Variants in MAPK14 observed in about 807,000 individuals in gnomAD.
MAPK14 encodes the protein CSAID-binding protein.
In MAPK14, 16 loss-of-function variants were observed where a neutral mutation model predicts 49.6. That is an observed-to-expected ratio of 0.32 (90% CI 0.22 to 0.49). The LOEUF is 0.49. Among genes scored for constraint, MAPK14 ranks in the 20% least tolerant of loss-of-function variants. The pLI, the probability that MAPK14 is intolerant of heterozygous loss-of-function variation, is 0.99. For missense variants in MAPK14, 200 were observed against 441.2 expected, an observed-to-expected ratio of 0.45 and a Z score of 4.90; for synonymous variants, 142 against 158.0, an observed-to-expected ratio of 0.90 and a Z score of 0.76.
intron 9 of MAPK14, chr6:36,100,332 C>A: frequency 8.4e-7 from 1 of 1,195,202 alleles, no homozygotes; most frequent in Non-Finnish European, 1.3e-6. Context: ...TTATTGCCAC[C>A]GTATAACCAA....
At chr6:36,059,136 C>T (rs1581765039) in intron 2 of MAPK14, among the ~76,000 whole-genome samples, 153 bp from the exon 3 acceptor site, 4 of 152,058 alleles carry the variant, frequency 2.6e-5, no homozygotes, top group Admixed American at 6.5e-5. Flanking sequence ...GTGATCCGCC[C>T]GCCTCGGCCT....
At chr6:36,033,715 C>G (rs1227311952) in intron 1 of MAPK14, among the ~76,000 whole-genome samples, 6 of 152,192 alleles carry the variant, frequency 3.9e-5, no homozygotes, top group Admixed American at 3.9e-4. Flanking sequence ...CTTTTGATTT[C>G]TTTCTAGCCC....
chr6:36,072,182 A>T (rs527933863), intron 3 of MAPK14, among the ~76,000 whole-genome samples: 47 of 152,198 alleles, frequency 3.1e-4, no homozygotes, highest in African/African-American at 1.0e-3. Context: ...AGGAAAATTT[A>T]AAAAAATTAG....
chr6:36,038,311 T>G (rs1184060026), intron 1 of MAPK14, among the ~76,000 whole-genome samples: 2 of 152,176 alleles, frequency 1.3e-5, no homozygotes, highest in African/African-American at 4.8e-5. Flanking sequence ...GTAAGGGCCC[T>G]GTGCTCCAGG....
chr6:36,090,442 C>G (rs548795471), intron 8 of MAPK14, among the ~76,000 whole-genome samples: 2 of 151,728 alleles, frequency 1.3e-5, no homozygotes, highest in South Asian at 4.2e-4. Flanking sequence ...CTCCAGACCT[C>G]AAGTGATCTG....
chr6:36,097,962 G>T (rs1186540458), intron 9 of MAPK14: 1 of 151,508 alleles, frequency 6.6e-6, no homozygotes, highest in Non-Finnish European at 1.5e-5. Context: ...GATAAAAGTA[G>T]TTTAAACATC....
chr6:36,108,337 T>C (rs1323655535), intron 11 of MAPK14, 43 bp from the exon 12 acceptor site: 1 of 1,446,302 alleles, frequency 6.9e-7, no homozygotes, highest in African/African-American at 1.4e-5. Context: ...GCAAAGAGAA[T>C]AGCCTAAACT....
chr6:36,062,667 T>A (rs574900729), intron 3 of MAPK14, among the ~76,000 whole-genome samples: 44 of 150,142 alleles, frequency 2.9e-4, no homozygotes, highest in African/African-American at 1.0e-3. Flanking sequence ...CTTTTCTTTT[T>A]TTTTTTTTGA....
chr6:36,092,760 C>T (rs191179758), intron 8 of MAPK14: 10 of 254,164 alleles, frequency 3.9e-5, no homozygotes, highest in East Asian at 1.1e-4. Context: ...CAGCATACGC[C>T]GGTGTCACGA....
chr6:36,043,946 G>A (rs12190281), intron 1 of MAPK14, among the ~76,000 whole-genome samples: 1 of 151,278 alleles, frequency 6.6e-6, no homozygotes, highest in Non-Finnish European at 1.5e-5. Flanking sequence ...AAGTAGCTGA[G>A]ATTATAGGCA....
intron 1 of MAPK14, among the ~76,000 whole-genome samples, chr6:36,042,759 C>G (rs894708262): frequency 2.0e-5 from 3 of 151,742 alleles, no homozygotes; most frequent in Admixed American, 6.6e-5. Context: ...CCTCAGACTT[C>G]CGAAGTGCTA....
In MAPK14 at chr6:36,096,202, T is replaced by C. The variant is rs2127468083; in HGVS notation, c.762+136T>C. On this transcript the variant is annotated intron_variant, in intron 9 of 11. Coordinates refer to ENST00000229794, the MANE Select transcript of MAPK14 (RefSeq NM_139012.3). The stretch of plus-strand genomic sequence containing the variant: ...GCTGACTTCCCGGATGAGTGAGGTA[T>C]AAGACAGTGTGAGTGTGTGTGTGCG... 4.7e-6 allele frequency: 3 copies of C among 639,046 alleles called. No homozygotes were observed. The East Asian group carries it at 8.1e-5, about 17-fold the overall frequency. 39.6% of individuals were successfully genotyped at this position (639,046 alleles called of 1,614,324 possible).
At chr6:36,066,419 A>G (rs1049164177) in intron 3 of MAPK14, among the ~76,000 whole-genome samples, 2 of 152,182 alleles carry the variant, frequency 1.3e-5, no homozygotes, top group African/African-American at 4.8e-5. Context: ...GAAATGAGGC[A>G]TTTCTTATTA....
intron 6 of MAPK14, 64 bp downstream of exon 6, chr6:36,074,160 G>A: frequency 7.7e-7 from 1 of 1,300,312 alleles, no homozygotes; most frequent in Non-Finnish European, 1.1e-6. Flanking sequence ...GACTAAGCAG[G>A]CAGACTTTCT....
chr6:36,086,264 C>A (rs1764981990), intron 8 of MAPK14, among the ~76,000 whole-genome samples: 1 of 152,118 alleles, frequency 6.6e-6, no homozygotes, highest in Non-Finnish European at 1.5e-5. Context: ...CAAGACCAAA[C>A]AAACCCTAAA....
At chr6:36,053,374 T>G (rs564283962) in intron 2 of MAPK14, among the ~76,000 whole-genome samples, 12 of 152,054 alleles carry the variant, frequency 7.9e-5, no homozygotes, top group African/African-American at 2.6e-4. Context: ...GATTCACGTA[T>G]TTTAATAAAT....
At chr6:36,073,056 A>G (rs758484272) in intron 4 of MAPK14, 72 bp downstream of exon 4, 7 of 919,784 alleles carry the variant, frequency 7.6e-6, no homozygotes, top group South Asian at 2.7e-5. Flanking sequence ...GGCTTAAACA[A>G]ACAAGTAAAC....
chr6:36,050,570 A>G (rs1404943770), intron 1 of MAPK14, among the ~76,000 whole-genome samples: 1 of 152,208 alleles, frequency 6.6e-6, no homozygotes, highest in African/African-American at 2.4e-5. Context: ...TGATGACAGA[A>G]GTTGAGAGTG....
rs1176756105 is a variant in MAPK14, at chr6:36,072,762, T to TCAAAAA, written c.306-97_306-92dup. 3 of 597,314 alleles carry TCAAAAA rather than the reference T, an allele frequency of 5.0e-6. No homozygotes were observed. The African/African-American group carries it at 5.6e-5, about 11-fold the overall frequency. The allele number at this position is 597,314 out of a possible 1,614,324, so 37.0% of individuals were successfully genotyped here. A position where few individuals can be genotyped will look rare whatever the true frequency, so the allele number is the denominator to read the frequency against. ...CCTGGCAGTAGAGCGAGACTCCATT[T>TCAAAAA]CAAAAACAAAAACAAAAACCAAAAA... On this transcript the variant is annotated intron_variant, in intron 3 of 11. Transcript: ENST00000229794.
Sources: allele counts gnomAD v4.1 joint callset (sites outside exome capture counted in the v4.1 genomes callset), GRCh38; gene constraint gnomAD v4.1.1; transcripts MANE v1.5; gene names NCBI Gene and HGNC (gene_info 2026-07-23, HGNC 2026-07-21).